The following SNX29 variants were observed in gnomAD, a reference collection of about 807,000 sequenced individuals.
SNX29 encodes sorting nexin-29.
In SNX29, 78 loss-of-function variants were observed where a neutral mutation model predicts 102.1. The ratio of observed to expected loss-of-function variants is 0.76; its 90% CI spans 0.64 to 0.92. SNX29 has a LOEUF of 0.92. Ranked by LOEUF, SNX29 falls within the 40% of genes least tolerant of loss-of-function variation. The pLI, the probability that SNX29 is intolerant of heterozygous loss-of-function variation, is 0.00. For synonymous variants in SNX29, 580 were observed against 414.5 expected (o/e 1.40, Z -4.85); for missense variants, 1,280 against 1,061.7 (o/e 1.21, Z -2.86).
At chr16:12,436,585 T>G (rs2085550165) in intron 18 of SNX29, among the ~76,000 whole-genome samples, 1 of 152,224 alleles carries the variant, frequency 6.6e-6, no homozygotes, top group South Asian at 2.1e-4. Flanking sequence ...GCTCCCCTGG[T>G]GCCTGGAAGG....
intron 14 of SNX29, among the ~76,000 whole-genome samples, chr16:12,240,627 C>T (rs537826251): frequency 5.5e-5 from 6 of 109,398 alleles, no homozygotes; most frequent in South Asian, 3.1e-4. Context: ...GACGGAGTCT[C>T]GCTCTGTCAC....
chr16:12,224,279 C>T (rs1359015376), intron 14 of SNX29, among the ~76,000 whole-genome samples: 1 of 152,182 alleles, frequency 6.6e-6, no homozygotes, highest in African/African-American at 2.4e-5. Context: ...CCTTTCCTCT[C>T]CTTCCTCCCT....
At chr16:12,234,186 A>G (rs1253473542) in intron 14 of SNX29, among the ~76,000 whole-genome samples, 1 of 152,078 alleles carries the variant, frequency 6.6e-6, no homozygotes, top group Non-Finnish European at 1.5e-5. Flanking sequence ...TTATTCTACC[A>G]TGTCCTCACC....
In SNX29 at chr16:12,572,781, C is replaced by CA. The variant is rs1302340836; in HGVS notation, c.*4153dup. On this transcript the variant is annotated 3_prime_UTR_variant, in exon 21 of 21. Coordinates refer to ENST00000566228, the MANE Select transcript of SNX29 (RefSeq NM_032167.5). Reference sequence around the variant, plus strand: ...CTGGGACCCGAGGAAGACCCCACCTCACTCCTCCTTCCCCAGTACATCAGA... The same window carrying CA: ...CTGGGACCCGAGGAAGACCCCACCTCAACTCCTCCTTCCCCAGTACATCAGA... The CA allele has an allele frequency of 9.4e-7, 1 of 1,063,890 alleles. No individual in the cohort carries two copies. Among genetic ancestry groups the CA allele is most frequent in the Non-Finnish European group, 1.1e-6 (1 of 878,336 alleles). The allele number at this position is 1,063,890 out of a possible 1,614,324, so 65.9% of individuals were successfully genotyped here.
intron 15 of SNX29, among the ~76,000 whole-genome samples, chr16:12,311,627 A>G (rs1271502808): frequency 6.6e-6 from 1 of 152,232 alleles, no homozygotes; most frequent in African/African-American, 2.4e-5. Flanking sequence ...GTGGCTGGCC[A>G]TGCCTAGATT....
chr16:12,119,228 G>C (rs760893323), intron 11 of SNX29, among the ~76,000 whole-genome samples: 3 of 152,176 alleles, frequency 2.0e-5, no homozygotes, highest in African/African-American at 2.4e-5. Context: ...GGGTCCTCTC[G>C]TCCCACTGTA....
rs1264078297 is a variant in SNX29, at chr16:12,127,404, A to G, written c.1466+708A>G. Among the ~76,000 whole-genome samples, 4 of 147,196 alleles carry G rather than the reference A, an allele frequency of 2.7e-5. 1 individual carries two copies. Among genetic ancestry groups the G allele is most frequent in the Admixed American group, 2.1e-4 (3 of 14,586 alleles). On this transcript the variant is annotated intron_variant, in intron 12 of 20. Coordinates refer to ENST00000566228, the MANE Select transcript of SNX29 (RefSeq NM_032167.5). The stretch of plus-strand genomic sequence containing the variant: ...AGAAGTCCTATACCCTTTAATTATC[A>G]CCTCCTTAGCCTAGGCAGTCTTTTT...
chr16:12,514,868 AAAAC>A (rs1201986205), intron 19 of SNX29, among the ~76,000 whole-genome samples: 3 of 151,826 alleles, frequency 2.0e-5, no homozygotes, highest in Non-Finnish European at 4.4e-5. Flanking sequence ...AGGTCTCTAA[AAAAC>A]AAAGAAAGAA....
rs2052765363 is a variant in SNX29 at position 12,096,329 on chromosome 16, A to T, written c.1402+17414A>T. On this transcript the variant is annotated intron_variant, in intron 11 of 20. Transcript: ENST00000566228. This position sits in a 1 kb window ranked among gnomAD's most constrained non-coding sequence, Gnocchi z 4.2. ...TATCATCTGTTTATTCATTCACCAA[A>T]CATTTACCAAACATCTCTCATGTGC... Among the ~76,000 whole-genome samples the T allele has an allele frequency of 6.6e-6, 1 of 152,164 alleles. No homozygotes were observed. Among genetic ancestry groups the T allele is most frequent in the Non-Finnish European group, 1.5e-5 (1 of 68,028 alleles).
chr16:12,038,350 T>G (rs2057533491), intron 4 of SNX29, among the ~76,000 whole-genome samples: 1 of 152,158 alleles, frequency 6.6e-6, no homozygotes. Flanking sequence ...TGATAGAAAC[T>G]TTCCCAAAAG....
At chr16:12,390,909 C>A (rs1181658791) in intron 16 of SNX29, among the ~76,000 whole-genome samples, 1 of 150,976 alleles carries the variant, frequency 6.6e-6, no homozygotes, top group African/African-American at 2.4e-5. Context: ...AAGAAAAAAA[C>A]ACTTACTTAG....
At chr16:12,538,803 A>C (rs754963015) in intron 20 of SNX29, among the ~76,000 whole-genome samples, 6 of 152,216 alleles carry the variant, frequency 3.9e-5, no homozygotes, top group Admixed American at 1.3e-4. Context: ...TACAAGGCAG[A>C]AACCAGAGTC....
intron 14 of SNX29, among the ~76,000 whole-genome samples, chr16:12,222,482 G>T (rs888653685): frequency 2.0e-5 from 3 of 152,212 alleles, no homozygotes; most frequent in Non-Finnish European, 4.4e-5. Flanking sequence ...TTCAGTTGGG[G>T]CAGCTTCCCG....
chr16:12,118,313 CTT>C (rs869186902), intron 11 of SNX29, among the ~76,000 whole-genome samples: 22 of 86,120 alleles, frequency 2.6e-4, no homozygotes, highest in East Asian at 1.6e-3. Context: ...TACAGACCAC[CTT>C]TTTTTTTTTT....
At chr16:12,554,647 C>CAGTTT (rs1414778965) in intron 20 of SNX29, among the ~76,000 whole-genome samples, 1 of 152,198 alleles carries the variant, frequency 6.6e-6, no homozygotes, top group Non-Finnish European at 1.5e-5. Flanking sequence ...CAGGTTTCAC[C>CAGTTT]AGTTTGTGCA....
intron 11 of SNX29, among the ~76,000 whole-genome samples, chr16:12,079,415 A>G (rs1013488902): frequency 1.3e-5 from 2 of 152,228 alleles, no homozygotes; most frequent in Admixed American, 1.3e-4. Context: ...ACCAACTGTT[A>G]TGTAAACTGA....
Position 12,572,017 on chromosome 16 carries a change from G to T in SNX29, c.*3388G>T. 1 of 1,062,800 alleles carries T rather than the reference G, an allele frequency of 9.4e-7. No individual in the cohort carries two copies. The allele number at this position is 1,062,800 out of a possible 1,614,324, so 65.8% of individuals were successfully genotyped here. A position where few individuals can be genotyped will look rare whatever the true frequency, so the allele number is the denominator to read the frequency against. ...ACCAGTTGCATCTAGGGAGCTGCTGGCTATAAAAGGGATCATCCAGTGGAG... is the reference window on the plus strand; with the variant it reads ...ACCAGTTGCATCTAGGGAGCTGCTGTCTATAAAAGGGATCATCCAGTGGAG... On this transcript the variant is annotated 3_prime_UTR_variant, in exon 21 of 21. Coordinates refer to ENST00000566228, the MANE Select transcript of SNX29 (RefSeq NM_032167.5).
intron 18 of SNX29, among the ~76,000 whole-genome samples, chr16:12,444,995 C>T (rs113791119): frequency 2.6e-5 from 4 of 151,950 alleles, no homozygotes; most frequent in African/African-American, 4.8e-5. Context: ...GGACTATAGA[C>T]ATCTGCCACC....
chr16:12,024,023 G>A (rs924340226), intron 3 of SNX29, among the ~76,000 whole-genome samples: 2 of 152,152 alleles, frequency 1.3e-5, no homozygotes, highest in Non-Finnish European at 2.9e-5. Context: ...AGAGCAGGCA[G>A]CCCTGGAAAT....
Sources: gnomAD v4.1 joint callset for allele counts (sites outside exome capture counted in the v4.1 genomes callset) on GRCh38, gnomAD v4.1.1 for gene constraint, Gnocchi (gnomAD v3.1) non-coding constraint, MANE v1.5 for transcripts, NCBI Gene and HGNC (gene_info 2026-07-23, HGNC 2026-07-21) for gene names.